PCDHGB3: variants seen among roughly 807,000 people sequenced by gnomAD.
The protein encoded by PCDHGB3 is protocadherin gamma-B3.
In PCDHGB3, 40 loss-of-function variants were observed where a neutral mutation model predicts 59.2. The ratio of observed to expected loss-of-function variants is 0.68; its 90% CI spans 0.52 to 0.88. The LOEUF (loss-of-function observed/expected upper bound fraction) is 0.88. PCDHGB3 is among the 40% of genes least tolerant of loss of function. The pLI, the probability that PCDHGB3 is intolerant of heterozygous loss-of-function variation, is 0.00. For missense variants in PCDHGB3, 1,309 were observed against 1,187.9 expected (o/e 1.10, Z -1.50); for synonymous variants, 581 against 503.6 (o/e 1.15, Z -2.06).
chr5:141,467,781 C>G (rs2099151581), intron 1 of PCDHGB3, among the ~76,000 whole-genome samples: 1 of 152,228 alleles, frequency 6.6e-6, no homozygotes, highest in East Asian at 1.9e-4. Context: ...ACCTCAGCCT[C>G]TCAAGTAGCT....
In PCDHGB3 at chr5:141,371,009, G is replaced by A; in HGVS notation, c.615G>A (p.Gln205=). The part of the protein sequence containing the change: ...VLKAPLDREE[Q]PHHHLVLTAV... ...AAGCACCCCTGGACAGGGAAGAGCA[G>A]CCACATCACCACCTGGTCCTCACAG... Residue 205 remains glutamine, a synonymous_variant, in exon 1 of 4, where the codon CAG becomes CAA. Coordinates refer to ENST00000576222, the MANE Select transcript of PCDHGB3 (RefSeq NM_018924.5). 1 of 1,614,004 alleles carries A rather than the reference G, an allele frequency of 6.2e-7. No homozygotes were observed. Among genetic ancestry groups the A allele is most frequent in the East Asian group, 2.2e-5 (1 of 44,886 alleles).
At chr5:141,384,243 C>T in intron 1 of PCDHGB3, 1 of 1,613,880 alleles carries the variant, frequency 6.2e-7, no homozygotes, top group Non-Finnish European at 8.5e-7. Context: ...CCAACGATAA[C>T]CCACCCACCT....
chr5:141,379,662 C>T (rs995589385), intron 1 of PCDHGB3: 1 of 152,126 alleles, frequency 6.6e-6, no homozygotes, highest in Non-Finnish European at 1.5e-5. Flanking sequence ...TCTACTCTCA[C>T]AAAAGTCATT....
intron 1 of PCDHGB3, chr5:141,392,939 C>T (rs1425022179): frequency 1.2e-6 from 2 of 1,613,830 alleles, no homozygotes; most frequent in Non-Finnish European, 1.7e-6. Context: ...CGGACAAAGG[C>T]TCCTTCGTGG....
chr5:141,448,449 T>A (rs528049717), intron 1 of PCDHGB3, among the ~76,000 whole-genome samples: 1 of 152,166 alleles, frequency 6.6e-6, no homozygotes, highest in Non-Finnish European at 1.5e-5. Context: ...CTGACTTCCA[T>A]CCCTATCCTA....
At chr5:141,381,603 T>C (rs751788788) in intron 1 of PCDHGB3, among the ~76,000 whole-genome samples, 4 of 152,242 alleles carry the variant, frequency 2.6e-5, no homozygotes, top group African/African-American at 4.8e-5. Context: ...TTCTTATGAA[T>C]TCACAGCCCA....
chr5:141,419,443 C>T (rs1476796525), intron 1 of PCDHGB3: 2 of 1,613,080 alleles, frequency 1.2e-6, no homozygotes, highest in South Asian at 2.2e-5. Flanking sequence ...TGCGCACCTT[C>T]GAGCTCACGC....
intron 1 of PCDHGB3, chr5:141,419,328 C>T (rs2096360351): frequency 6.2e-7 from 1 of 1,613,954 alleles, no homozygotes. Context: ...GTCTCCTACT[C>T]TCTCATTGCC....
chr5:141,422,762 C>A (rs745320796), intron 1 of PCDHGB3: 1 of 1,613,392 alleles, frequency 6.2e-7, no homozygotes, highest in Admixed American at 1.7e-5. Context: ...AACTCCAACA[C>A]TGGTGTTCTC....
chr5:141,402,281 C>A (rs1589453227), intron 1 of PCDHGB3, among the ~76,000 whole-genome samples: 1 of 151,846 alleles, frequency 6.6e-6, no homozygotes, highest in African/African-American at 2.4e-5. Flanking sequence ...AGTGGATAAT[C>A]TATCCTTATA....
rs1562144438 is a variant in PCDHGB3, at chr5:141,491,135, G to T, written c.2416-3672G>T. The T allele has an allele frequency of 6.2e-7, 1 of 1,613,986 alleles. No individual in the cohort carries two copies. Among genetic ancestry groups the T allele is most frequent in the Non-Finnish European group, 8.5e-7 (1 of 1,180,000 alleles). On this transcript the variant is annotated intron_variant, in intron 1 of 3. Transcript: ENST00000576222. This position sits in a 1 kb window ranked among gnomAD's most constrained non-coding sequence, Gnocchi z 6.9. ...CACACTGGTGAGGTGCGCACAGCCC[G>T]GGCCTTACTGGAGGATGACTCTGAC...
At chr5:141,388,195 T>C in intron 1 of PCDHGB3, 1 of 1,563,830 alleles carries the variant, frequency 6.4e-7, no homozygotes, top group Non-Finnish European at 8.8e-7. Flanking sequence ...GCTTGTGCTC[T>C]GGAATTTGAG....
intron 1 of PCDHGB3, chr5:141,395,804 A>C (rs150880061): frequency 6.6e-6 from 1 of 152,224 alleles, no homozygotes; most frequent in Non-Finnish European, 1.5e-5. Context: ...ACCATCCTTC[A>C]AAACATGAAC....
chr5:141,427,213 G>A (rs566924176), intron 1 of PCDHGB3: 3 of 456,706 alleles, frequency 6.6e-6, no homozygotes, highest in East Asian at 6.9e-5. Context: ...TTCGAATTTC[G>A]TAGCAGTTAT....
At chr5:141,427,132 G>A (rs755992698) in intron 1 of PCDHGB3, 1 of 457,106 alleles carries the variant, frequency 2.2e-6, no homozygotes, top group South Asian at 1.5e-5. Flanking sequence ...AAATCCCTAC[G>A]AGATGATATT....
intron 1 of PCDHGB3, chr5:141,392,511 A>C (rs1368500575): frequency 4.2e-6 from 1 of 240,354 alleles, no homozygotes; most frequent in Non-Finnish European, 7.9e-6. Flanking sequence ...TTTTTTTCTC[A>C]GTAATCTAGT....
intron 2 of PCDHGB3, among the ~76,000 whole-genome samples, chr5:141,496,347 T>C (rs1168306693): frequency 6.6e-6 from 1 of 152,198 alleles, no homozygotes; most frequent in Non-Finnish European, 1.5e-5. Context: ...TGGAGGAGTC[T>C]CAGAGCCCAG....
At chr5:141,475,815 C>T (rs2099373124) in intron 1 of PCDHGB3, 1 of 340,648 alleles carries the variant, frequency 2.9e-6, no homozygotes, top group Non-Finnish European at 5.3e-6. Flanking sequence ...AAGTGAAGTT[C>T]CTGGCGCTAG....
At chr5:141,443,872 A>C (rs1446612063) in intron 1 of PCDHGB3, among the ~76,000 whole-genome samples, 4 of 152,212 alleles carry the variant, frequency 2.6e-5, no homozygotes, top group African/African-American at 9.7e-5. Flanking sequence ...AAAATTACTG[A>C]TAAGTCAAGA....
Sources: allele counts gnomAD v4.1 joint callset (sites outside exome capture counted in the v4.1 genomes callset), GRCh38; gene constraint gnomAD v4.1.1; non-coding constraint Gnocchi (gnomAD v3.1); transcripts MANE v1.5; gene names NCBI Gene and HGNC (gene_info 2026-07-23, HGNC 2026-07-21).